The following MORN5 variants were observed in gnomAD, a reference collection of about 807,000 sequenced individuals.
MORN5 encodes the protein MORN repeat containing 5.
Under a neutral mutation model 22.1 loss-of-function variants are expected in MORN5, and 21 were observed. The observed-to-expected ratio is 0.95, with a 90% CI of 0.67 to 1.37. The LOEUF is 1.37. Ranked by LOEUF, MORN5 falls within the 40% of genes most tolerant of loss-of-function variation. The pLI is 0.00. For synonymous variants in MORN5, 73 were observed against 74.0 expected, an observed-to-expected ratio of 0.99 and a Z score of 0.07; for missense variants, 211 against 215.1, an observed-to-expected ratio of 0.98 and a Z score of 0.12.
At chr9:122,180,758 C>T (rs1829526579) in intron 4 of MORN5, among the ~76,000 whole-genome samples, 1 of 152,176 alleles carries the variant, frequency 6.6e-6, no homozygotes, top group Non-Finnish European at 1.5e-5. Flanking sequence ...GGGCGTCCCT[C>T]CTCTGTGCTT....
intron 4 of MORN5, among the ~76,000 whole-genome samples, chr9:122,188,147 T>C (rs1308466457): frequency 6.6e-6 from 1 of 152,182 alleles, no homozygotes; most frequent in Non-Finnish European, 1.5e-5. Flanking sequence ...GAGCCTTGAA[T>C]AGCAGGTTAG....
chr9:122,175,714 G>C (rs10985558), intron 4 of MORN5: 10 of 984,538 alleles, frequency 1.0e-5, no homozygotes, highest in East Asian at 1.1e-4. Context: ...GAAACTGCCA[G>C]GTAGACCAGA....
rs533748700 is a variant in MORN5 at position 122,173,885 on chromosome 9, G to C, written c.308-611G>C. On this transcript the variant is annotated intron_variant, in intron 3 of 4. Transcript: ENST00000373764. ...CCTCAGTTTTCTTATCTGTAAAATG[G>C]AGCCACAGAGCTGCTCTCAGGATTA... Among the ~76,000 whole-genome samples the C allele has an allele frequency of 6.2e-4, 94 of 152,254 alleles. 2 individuals are homozygous for C. In the South Asian group the frequency reaches 0.019, roughly 30 times the overall value.
At chr9:122,163,741 T>C (rs1431920756) in intron 1 of MORN5, among the ~76,000 whole-genome samples, 1 of 152,258 alleles carries the variant, frequency 6.6e-6, no homozygotes, top group Non-Finnish European at 1.5e-5. Context: ...ATTCTGGTGG[T>C]GGAGGAACCA....
At chr9:122,177,813 T>C (rs1829476399) in intron 4 of MORN5, among the ~76,000 whole-genome samples, 1 of 152,230 alleles carries the variant, frequency 6.6e-6, no homozygotes, top group Admixed American at 6.5e-5. Context: ...AAGTCTTCTG[T>C]ACAACATTAA....
chr9:122,163,000 A>G (rs1442591074), intron 1 of MORN5, among the ~76,000 whole-genome samples: 3 of 151,982 alleles, frequency 2.0e-5, no homozygotes, highest in East Asian at 1.9e-4. Context: ...TACTTAAAAA[A>G]AAAACCTTAA....
At chr9:122,163,222 T>C (rs1348954873) in intron 1 of MORN5, among the ~76,000 whole-genome samples, 2 of 152,248 alleles carry the variant, frequency 1.3e-5, no homozygotes, top group African/African-American at 4.8e-5. Context: ...TAGTAACTAC[T>C]GTGCTCTGGG....
chr9:122,173,621 A>T (rs1221624024), intron 3 of MORN5, among the ~76,000 whole-genome samples: 1 of 152,186 alleles, frequency 6.6e-6, no homozygotes, highest in East Asian at 1.9e-4. Context: ...CTGAGAAGTT[A>T]TTTATTCCAA....
intron 3 of MORN5, among the ~76,000 whole-genome samples, chr9:122,172,080 G>A (rs1026666557): frequency 5.3e-5 from 8 of 149,664 alleles, no homozygotes; most frequent in Non-Finnish European, 1.5e-5. Context: ...AAGTGATCTG[G>A]CCTCCTAAGT....
chr9:122,175,546 G>A (rs996712390), intron 4 of MORN5: 57 of 985,132 alleles, frequency 5.8e-5, no homozygotes, highest in Non-Finnish European at 6.6e-5. Context: ...CAAAAGATAC[G>A]GACCCTCTTG....
intron 1 of MORN5, among the ~76,000 whole-genome samples, chr9:122,161,190 C>T (rs991668679): frequency 1.3e-5 from 2 of 152,150 alleles, no homozygotes; most frequent in Non-Finnish European, 2.9e-5. Context: ...GAAGCACTCC[C>T]ACCTTGGGGC....
At chr9:122,164,090 A>G (rs1292692471) in intron 1 of MORN5, among the ~76,000 whole-genome samples, 2 of 152,202 alleles carry the variant, frequency 1.3e-5, no homozygotes, top group African/African-American at 4.8e-5. Flanking sequence ...TATCCTTATT[A>G]TGGATTGAAG....
Position 122,184,546 on chromosome 9 carries a change from C to T in MORN5, c.439+9919C>T, listed in dbSNP as rs551855280. ...ACAATGCAATCATTAAAAATGGCAG[C>T]GAAGAACTAGATCTACTGATATACA... On this transcript the variant is annotated intron_variant, in intron 4 of 4. Coordinates refer to ENST00000373764, the MANE Select transcript of MORN5 (RefSeq NM_198469.4). 2.6e-4 allele frequency among the ~76,000 whole-genome samples: 39 copies of T among 152,146 alleles called. No homozygotes were observed. In the South Asian group the frequency reaches 8.1e-3, roughly 32 times the overall value.
intron 4 of MORN5, among the ~76,000 whole-genome samples, chr9:122,182,730 G>A (rs975917385): frequency 1.3e-5 from 2 of 152,208 alleles, no homozygotes; most frequent in African/African-American, 4.8e-5. Flanking sequence ...CAGCCTGGAT[G>A]ACAGAGCAAG....
At chr9:122,199,735 A>G in intron 4 of MORN5, 150 bp from the exon 5 acceptor site, 1 of 725,854 alleles carries the variant, frequency 1.4e-6, no homozygotes, top group African/African-American at 1.7e-5. Context: ...ATTCAGTGTA[A>G]ATGAAAGGTC....
At chr9:122,184,338 C>T (rs1829579627) in intron 4 of MORN5, among the ~76,000 whole-genome samples, 1 of 152,176 alleles carries the variant, frequency 6.6e-6, no homozygotes, top group Non-Finnish European at 1.5e-5. Flanking sequence ...TTTATCTGCT[C>T]CCCACCCAGC....
chr9:122,172,618 C>A (rs1829382587), intron 3 of MORN5, among the ~76,000 whole-genome samples: 3 of 152,158 alleles, frequency 2.0e-5, no homozygotes, highest in Admixed American at 2.0e-4. Flanking sequence ...TAGGTAAGGT[C>A]TCCCTGTGGC....
At chr9:122,171,441 G>T (rs1046922846) in intron 3 of MORN5, among the ~76,000 whole-genome samples, 1 of 151,724 alleles carries the variant, frequency 6.6e-6, no homozygotes, top group Admixed American at 6.6e-5. Flanking sequence ...AGTTATTCAC[G>T]TTGAGGTTCC....
intron 4 of MORN5, among the ~76,000 whole-genome samples, chr9:122,186,458 A>C (rs1266816655): frequency 1.3e-5 from 2 of 152,146 alleles, no homozygotes; most frequent in East Asian, 1.9e-4. Flanking sequence ...TTGAATTCAC[A>C]AACAGAATTT....
Sources: allele counts gnomAD v4.1 joint callset (sites outside exome capture counted in the v4.1 genomes callset), GRCh38; gene constraint gnomAD v4.1.1; transcripts MANE v1.5; gene names NCBI Gene and HGNC (gene_info 2026-07-23, HGNC 2026-07-21).